The following MCTP1 variants were observed in gnomAD, a reference collection of about 807,000 sequenced individuals.
The protein encoded by MCTP1 is multiple C2 and transmembrane domain containing 1, also known as multiple C2 and transmembrane domain-containing protein 1.
MCTP1 carries 69 observed loss-of-function variants against 120.6 expected under a neutral mutation model. The ratio of observed to expected loss-of-function variants is 0.57; its 90% CI spans 0.47 to 0.70. The LOEUF is 0.70. Ranked by LOEUF, MCTP1 falls within the 30% of genes least tolerant of loss-of-function variation. The pLI, the probability that MCTP1 is intolerant of heterozygous loss-of-function variation, is 0.00. For synonymous variants in MCTP1, 529 were observed against 493.1 expected, an observed-to-expected ratio of 1.07 and a Z score of -0.96; for missense variants, 1,203 against 1,248.8, an observed-to-expected ratio of 0.96 and a Z score of 0.55.
intron 1 of MCTP1, among the ~76,000 whole-genome samples, chr5:95,165,817 T>C (rs1746271858): frequency 6.6e-6 from 1 of 152,226 alleles, no homozygotes; most frequent in South Asian, 2.1e-4. Flanking sequence ...CTGTTTCCTA[T>C]GTTCTCGTCC....
chr5:95,106,244 C>T (rs146518727), intron 1 of MCTP1, among the ~76,000 whole-genome samples: 1 of 152,300 alleles, frequency 6.6e-6, no homozygotes, highest in East Asian at 1.9e-4. Flanking sequence ...ACAAGGTCAC[C>T]TCAGGCCACT....
chr5:95,197,607 C>T (rs1397730755), intron 1 of MCTP1, among the ~76,000 whole-genome samples: 2 of 152,074 alleles, frequency 1.3e-5, no homozygotes, highest in Non-Finnish European at 2.9e-5. Flanking sequence ...TATGATAAAA[C>T]ATCAACTGTG....
At chr5:94,908,329 A>G (rs1226887581) in intron 10 of MCTP1, among the ~76,000 whole-genome samples, 1 of 152,012 alleles carries the variant, frequency 6.6e-6, no homozygotes, top group Non-Finnish European at 1.5e-5. Context: ...ACCTCTCACT[A>G]TATAATCCTA....
At chr5:94,933,235 C>T (rs1815260123) in intron 5 of MCTP1, among the ~76,000 whole-genome samples, 2 of 151,528 alleles carry the variant, frequency 1.3e-5, no homozygotes, top group Non-Finnish European at 3.0e-5. Flanking sequence ...TTATCAAATA[C>T]TATTATAGAA....
chr5:95,134,875 A>G (rs1424220289), intron 1 of MCTP1, among the ~76,000 whole-genome samples: 1 of 151,962 alleles, frequency 6.6e-6, no homozygotes, highest in African/African-American at 2.4e-5. Context: ...TCAAAATACA[A>G]TTGAAGTTAC....
At chr5:94,750,091 A>G (rs1767935602) in intron 19 of MCTP1, among the ~76,000 whole-genome samples, 1 of 152,196 alleles carries the variant, frequency 6.6e-6, no homozygotes, top group Non-Finnish European at 1.5e-5. Context: ...AAGACAGAAA[A>G]TAGCATATTC....
intron 17 of MCTP1, among the ~76,000 whole-genome samples, chr5:94,844,153 C>T (rs1268681530): frequency 1.3e-5 from 2 of 151,626 alleles, no homozygotes; most frequent in Admixed American, 6.6e-5. Context: ...AAATACAAAA[C>T]TTAGCAGGGT....
At chr5:94,753,730 C>G (rs1381154285) in intron 19 of MCTP1, among the ~76,000 whole-genome samples, 1 of 152,120 alleles carries the variant, frequency 6.6e-6, no homozygotes, top group Non-Finnish European at 1.5e-5. Context: ...TTGAAACTAC[C>G]TTTTTAAAAT....
chr5:94,758,312 C>T (rs547333134), intron 19 of MCTP1, among the ~76,000 whole-genome samples: 4 of 152,242 alleles, frequency 2.6e-5, no homozygotes, highest in African/African-American at 7.2e-5. Context: ...GAAAATCCCT[C>T]GCTGGATGTG....
At chr5:94,838,952 C>T (rs556907028) in intron 17 of MCTP1, among the ~76,000 whole-genome samples, 5 of 152,170 alleles carry the variant, frequency 3.3e-5, no homozygotes, top group Admixed American at 1.3e-4. Context: ...CAGTATAGTG[C>T]GATTAAAGAC....
At chr5:94,874,980 C>T (rs1798531385) in intron 12 of MCTP1, among the ~76,000 whole-genome samples, 1 of 152,064 alleles carries the variant, frequency 6.6e-6, no homozygotes, top group Non-Finnish European at 1.5e-5. Context: ...AATCAACTAA[C>T]AAATATTTAT....
chr5:95,084,890 T>TA (rs1410165010), intron 1 of MCTP1, among the ~76,000 whole-genome samples: 1 of 152,126 alleles, frequency 6.6e-6, no homozygotes, highest in Admixed American at 6.6e-5. Flanking sequence ...AACCCCTTTT[T>TA]AAAAATGACA....
intron 1 of MCTP1, among the ~76,000 whole-genome samples, chr5:95,122,258 G>C (rs897676694): frequency 6.7e-6 from 1 of 148,964 alleles, no homozygotes; most frequent in African/African-American, 2.5e-5. Flanking sequence ...TCTGACAAGT[G>C]GTTAATAATC....
chr5:94,898,338 T>C (rs1304933180), intron 10 of MCTP1, among the ~76,000 whole-genome samples: 1 of 152,268 alleles, frequency 6.6e-6, no homozygotes, highest in African/African-American at 2.4e-5. Context: ...AAATGAAGTG[T>C]CACCTGTAAC....
chr5:94,856,179 A>G (rs1184483678), intron 17 of MCTP1, among the ~76,000 whole-genome samples: 1 of 151,764 alleles, frequency 6.6e-6, no homozygotes, highest in Non-Finnish European at 1.5e-5. Context: ...TGCATTAAAC[A>G]AGTAATAATT....
chr5:94,909,897 G>C (rs980103050), intron 9 of MCTP1, among the ~76,000 whole-genome samples: 4 of 151,876 alleles, frequency 2.6e-5, no homozygotes, highest in African/African-American at 9.7e-5. Flanking sequence ...GTAGCTTTTG[G>C]GTAGTCAGGC....
chr5:94,813,202 T>G (rs182053558), intron 17 of MCTP1, among the ~76,000 whole-genome samples: 28 of 152,250 alleles, frequency 1.8e-4, no homozygotes, highest in African/African-American at 6.7e-4. Context: ...GAATGTCAAA[T>G]AAGCACATGA....
intron 1 of MCTP1, among the ~76,000 whole-genome samples, chr5:95,164,446 C>G (rs920137217): frequency 8.5e-5 from 13 of 152,204 alleles, no homozygotes; most frequent in African/African-American, 2.9e-4. Flanking sequence ...ATCTCTCCCC[C>G]CAAAAAATGC....
At chr5:94,964,525 G>A (rs559395725) in intron 2 of MCTP1, among the ~76,000 whole-genome samples, 3 of 152,136 alleles carry the variant, frequency 2.0e-5, no homozygotes, top group African/African-American at 7.2e-5. Context: ...ATATTTGTAG[G>A]TGCTCCAATT....
Sources: allele counts gnomAD v4.1 joint callset (sites outside exome capture counted in the v4.1 genomes callset), GRCh38; gene constraint gnomAD v4.1.1; transcripts MANE v1.5; gene names NCBI Gene and HGNC (gene_info 2026-07-23, HGNC 2026-07-21).